Variants in INPP4B observed in about 807,000 individuals in gnomAD.
The protein encoded by INPP4B is inositol polyphosphate-4-phosphatase type II B.
INPP4B carries 55 observed loss-of-function variants against 122.5 expected under a neutral mutation model. The ratio of observed to expected loss-of-function variants is 0.45; its 90% confidence interval spans 0.36 to 0.56. The LOEUF (loss-of-function observed/expected upper bound fraction) is 0.56. INPP4B is among the 20% of genes least tolerant of loss of function. INPP4B has a pLI of 0.00. For synonymous variants in INPP4B, 403 were observed against 388.7 expected, an observed-to-expected ratio of 1.04 and a Z score of -0.43; for missense variants, 1,000 against 1,097.7, an observed-to-expected ratio of 0.91 and a Z score of 1.26.
chr4:142,785,767 G>A (rs1267390499), intron 1 of INPP4B, among the ~76,000 whole-genome samples: 1 of 152,028 alleles, frequency 6.6e-6, no homozygotes, highest in Non-Finnish European at 1.5e-5. Context: ...TACCAAGGGG[G>A]AAGAACTGTC....
chr4:142,165,342 C>T (rs1452207065), intron 16 of INPP4B, among the ~76,000 whole-genome samples: 3 of 151,708 alleles, frequency 2.0e-5, no homozygotes, highest in African/African-American at 4.8e-5. Context: ...AATTTCAAAA[C>T]TCGATCCTTA....
At chr4:142,309,401 G>A (rs1477934614) in intron 8 of INPP4B, among the ~76,000 whole-genome samples, 3 of 152,236 alleles carry the variant, frequency 2.0e-5, no homozygotes, top group Middle Eastern at 3.4e-3. Flanking sequence ...ATGTAGTTAT[G>A]AATATTATTG....
chr4:142,115,670 G>A (rs563756881), intron 21 of INPP4B, among the ~76,000 whole-genome samples: 5 of 152,184 alleles, frequency 3.3e-5, no homozygotes, highest in South Asian at 4.1e-4. Flanking sequence ...AGCGCTAAAC[G>A]TGGAAAGGAA....
At chr4:142,230,643 CAAAAAAAAAAA>C (rs11309327) in intron 12 of INPP4B, among the ~76,000 whole-genome samples, 1 of 79,596 alleles carries the variant, frequency 1.3e-5, no homozygotes, top group Non-Finnish European at 2.5e-5. Context: ...AACTCCACCT[CAAAAAAAAAAA>C]AAAAAAAAAA....
intron 2 of INPP4B, among the ~76,000 whole-genome samples, chr4:142,694,465 A>G (rs2150736050): frequency 6.6e-6 from 1 of 152,288 alleles, no homozygotes; most frequent in East Asian, 1.9e-4. Context: ...TTAATAAATA[A>G]AGCTAATTTT....
At chr4:142,171,086 A>G (rs1002621836) in intron 16 of INPP4B, among the ~76,000 whole-genome samples, 5 of 151,668 alleles carry the variant, frequency 3.3e-5, no homozygotes, top group African/African-American at 9.7e-5. Flanking sequence ...TTTAATTGAT[A>G]ATGATTTCAT....
intron 3 of INPP4B, among the ~76,000 whole-genome samples, chr4:142,437,897 C>A (rs1043197262): frequency 6.6e-6 from 1 of 151,782 alleles, no homozygotes; most frequent in Non-Finnish European, 1.5e-5. Flanking sequence ...GCCTAGCAAC[C>A]AAAAAAAGCC....
intron 18 of INPP4B, among the ~76,000 whole-genome samples, chr4:142,134,210 A>T (rs771157344): frequency 6.6e-6 from 1 of 152,202 alleles, no homozygotes; most frequent in African/African-American, 2.4e-5. Flanking sequence ...TTACCATAAA[A>T]CTTTGGAACT....
At chr4:142,548,099 A>G (rs1216595368) in intron 2 of INPP4B, among the ~76,000 whole-genome samples, 1 of 152,184 alleles carries the variant, frequency 6.6e-6, no homozygotes, top group Non-Finnish European at 1.5e-5. Context: ...CTTGGAGAGA[A>G]GCCCAAATGA....
chr4:142,295,813 T>C (rs1180499604), intron 9 of INPP4B, among the ~76,000 whole-genome samples: 1 of 151,874 alleles, frequency 6.6e-6, no homozygotes, highest in East Asian at 1.9e-4. Context: ...TCAAAAAACA[T>C]GTATTAATAA....
intron 1 of INPP4B, among the ~76,000 whole-genome samples, chr4:142,732,837 A>G (rs763304553): frequency 1.9e-4 from 29 of 152,142 alleles, no homozygotes; most frequent in Non-Finnish European, 3.8e-4. Context: ...ACAAGCTAAA[A>G]TTTGTACAGA....
chr4:142,320,071 G>A (rs755332278), intron 7 of INPP4B, among the ~76,000 whole-genome samples: 1 of 152,116 alleles, frequency 6.6e-6, no homozygotes, highest in South Asian at 2.1e-4. Context: ...TTGAACTGTG[G>A]TCTTCATTTT....
chr4:142,603,499 C>CA (rs900165917), intron 2 of INPP4B, among the ~76,000 whole-genome samples: 10 of 149,208 alleles, frequency 6.7e-5, no homozygotes, highest in African/African-American at 1.5e-4. Flanking sequence ...AGATAAGAGA[C>CA]AAAAAAAATC....
At position 142,510,419 on chromosome 4, in the gene INPP4B, A is replaced by G. The variant is rs1246945492; in HGVS notation, c.-190-47693T>C. On this transcript the variant is annotated intron_variant, in intron 2 of 25. Coordinates refer to ENST00000262992, the MANE Select transcript of INPP4B (RefSeq NM_001101669.3). ...ATTTTCATTTACTAAAAAAGAAGTT[A>G]TTATAGCAATAATAAAGAACAAACA... is the stretch of plus-strand genomic sequence containing the variant. 3.3e-5 allele frequency among the ~76,000 whole-genome samples: 5 copies of G among 152,340 alleles called. No homozygotes were observed. In the East Asian group the frequency reaches 9.6e-4, roughly 29 times the overall value.
intron 1 of INPP4B, among the ~76,000 whole-genome samples, chr4:142,812,020 A>T (rs974977255): frequency 6.6e-6 from 1 of 152,206 alleles, no homozygotes; most frequent in African/African-American, 2.4e-5. Context: ...TCTCCTAAGC[A>T]TAAGGCACCA....
At chr4:142,640,505 A>T (rs778242143) in intron 2 of INPP4B, among the ~76,000 whole-genome samples, 103 of 152,128 alleles carry the variant, frequency 6.8e-4, no homozygotes, top group Non-Finnish European at 1.8e-4. Context: ...TATAAAATTT[A>T]AAATAGCAAA....
chr4:142,085,031 G>A (rs1266383570), intron 24 of INPP4B, among the ~76,000 whole-genome samples: 2 of 152,146 alleles, frequency 1.3e-5, no homozygotes, highest in Non-Finnish European at 2.9e-5. Context: ...CAACCTTCAT[G>A]TAATACAGTA....
chr4:142,307,189 G>T (rs954972179), intron 8 of INPP4B, among the ~76,000 whole-genome samples: 20 of 152,086 alleles, frequency 1.3e-4, no homozygotes, highest in African/African-American at 4.6e-4. Flanking sequence ...TGACTTTTCA[G>T]CCAGGGGCAG....
At chr4:142,708,555 C>T (rs1762734062) in intron 2 of INPP4B, among the ~76,000 whole-genome samples, 1 of 152,166 alleles carries the variant, frequency 6.6e-6, no homozygotes, top group Admixed American at 6.5e-5. Context: ...AAAAGGGCCC[C>T]AGATACATCT....
Sources: allele counts gnomAD v4.1 joint callset (sites outside exome capture counted in the v4.1 genomes callset), GRCh38; gene constraint gnomAD v4.1.1; transcripts MANE v1.5; gene names NCBI Gene and HGNC (gene_info 2026-07-23, HGNC 2026-07-21).